FGFR3: variants seen among roughly 807,000 people sequenced by gnomAD.
FGFR3 encodes FGFR-3.
FGFR3 carries 25 observed loss-of-function variants against 82.9 expected under a neutral mutation model. That is an observed-to-expected ratio of 0.30 (90% CI 0.22 to 0.42). FGFR3 has a LOEUF of 0.42. Among genes scored for constraint, FGFR3 ranks in the 10% least tolerant of loss-of-function variants. The pLI is 1.00. For missense variants in FGFR3, 1,026 were observed against 1,161.0 expected (o/e 0.88, Z 1.69); for synonymous variants, 620 against 516.0 (o/e 1.20, Z -2.73).
chr4:1,800,592 C>T (rs2301294), intron 4 of FGFR3, among the ~76,000 whole-genome samples: 2,683 of 152,178 alleles, frequency 0.018, 43 homozygotes, highest in African/African-American at 0.041. Context: ...AGCTCAGCAC[C>T]GTGGGGTGCC....
intron 2 of FGFR3, among the ~76,000 whole-genome samples, chr4:1,797,915 G>C (rs1469498856): frequency 6.6e-6 from 1 of 152,196 alleles, no homozygotes; most frequent in Non-Finnish European, 1.5e-5. Flanking sequence ...TGTGGCCAGA[G>C]TGGGCAGCTG....
intron 2 of FGFR3, among the ~76,000 whole-genome samples, chr4:1,797,810 C>G (rs1720695317): frequency 6.6e-6 from 1 of 152,174 alleles, no homozygotes; most frequent in African/African-American, 2.4e-5. Context: ...AGTGTGGGCC[C>G]TTCTGGCTGG....
intron 2 of FGFR3, among the ~76,000 whole-genome samples, chr4:1,798,100 G>T (rs191392957): frequency 3.6e-4 from 54 of 152,108 alleles, no homozygotes; most frequent in Non-Finnish European, 6.5e-4. Flanking sequence ...AGGGGCGATT[G>T]TCCCCCCAGC....
At chr4:1,796,976 A>G (rs972797564) in intron 2 of FGFR3, among the ~76,000 whole-genome samples, 1 of 152,098 alleles carries the variant, frequency 6.6e-6, no homozygotes, top group Non-Finnish European at 1.5e-5. Context: ...GTGGAGCCCA[A>G]GTTGAGGTCG....
At chr4:1,803,611 C>T (rs1721478791) in intron 7 of FGFR3, 81 bp from the exon 8 acceptor site, 1 of 1,559,706 alleles carries the variant, frequency 6.4e-7, no homozygotes, top group Non-Finnish European at 8.7e-7. Flanking sequence ...CTTGCAGCGG[C>T]TGGATCCTGC....
At position 1,793,948 on chromosome 4, in the gene FGFR3, C is replaced by A; in HGVS notation, c.14C>A (p.Ala5Asp). Residue 5 changes from alanine (A) to aspartate (D), a missense_variant, in exon 2 of 18, where the codon GCC becomes GAC. Physicochemically the swap from Ala to Asp is moderately radical, Grantham distance 126. Coordinates refer to ENST00000440486, the MANE Select transcript of FGFR3 (RefSeq NM_000142.5). MGAP[A>D]CALALCVAVA... ...CCCGCCCCCGCCATGGGCGCCCCTG[C>A]CTGCGCCCTCGCGCTCTGCGTGGCC... The A allele has an allele frequency of 7.5e-7, 1 of 1,339,526 alleles. No individual in the cohort carries two copies. Among genetic ancestry groups the A allele is most frequent in the Non-Finnish European group, 9.7e-7 (1 of 1,032,564 alleles). The allele number at this position is 1,339,526 out of a possible 1,614,324, so 83.0% of individuals were successfully genotyped here. A position where few individuals can be genotyped will look rare whatever the true frequency, so the allele number is the denominator to read the frequency against.
rs539723024 is a variant in FGFR3, at chr4:1,803,939, C to T, written c.1075+103C>T. 11 of 1,293,812 alleles carry T rather than the reference C, an allele frequency of 8.5e-6. 1 individual carries two copies. Among genetic ancestry groups the T allele is most frequent in the South Asian group, 4.8e-5 (4 of 84,168 alleles). 80.1% of individuals were successfully genotyped at this position (1,293,812 alleles called of 1,614,324 possible). On this transcript the variant is annotated intron_variant, in intron 8 of 17. Transcript: ENST00000440486. Reference sequence around the variant, plus strand: ...GGACGGGAATCCTGTGACTTACGGCCGTCCCGCTTCTTGAGCCCTCACTCC... The same window carrying T: ...GGACGGGAATCCTGTGACTTACGGCTGTCCCGCTTCTTGAGCCCTCACTCC...
intron 2 of FGFR3, among the ~76,000 whole-genome samples, chr4:1,795,850 TC>T (rs1262737823): frequency 6.6e-6 from 1 of 152,044 alleles, no homozygotes; most frequent in Non-Finnish European, 1.5e-5. Context: ...CCTCCCCCAC[TC>T]CTCCTCTGCA....
chr4:1,807,155 C>G lies in FGFR3; in HGVS notation c.2314C>G (p.Pro772Ala), dbSNP rs748492376. 1.3e-6 allele frequency: 2 copies of G among 1,599,660 alleles called. No homozygotes were observed. Among genetic ancestry groups the G allele is most frequent in the Admixed American group, 1.7e-5 (1 of 58,654 alleles). ...DLSAPFEQYS[P>A]GGQDTPSSSS... is the part of the protein sequence containing the mutation. ...GTCGGCGCCTTTCGAGCAGTACTCC[C>G]CGGGTGGCCAGGACACCCCCAGCTC... Residue 772 changes from proline (P) to alanine (A), a missense_variant, in exon 18 of 18, where the codon CCG (proline) becomes GCG (alanine). Physicochemically the swap from Pro to Ala is conservative, Grantham distance 27. Coordinates refer to ENST00000440486, the MANE Select transcript of FGFR3 (RefSeq NM_000142.5).
rs553636095 is a variant in FGFR3 at position 1,801,968 on chromosome 4, G to A, written c.873G>A (p.Val291=). 11 of 1,612,840 alleles carry A rather than the reference G, an allele frequency of 6.8e-6. No individual in the cohort carries two copies. The East Asian group carries it at 1.3e-4, about 20-fold the overall frequency. ...CCCACATCCAGTGGCTCAAGCACGT[G>A]GAGGTGAATGGCAGCAAGGTGGGCC... The part of the protein sequence containing the change: ...AQPHIQWLKH[V]EVNGSKVGPD... The change falls in exon 7 of 18, where the codon GTG becomes GTA. Residue 291 remains valine (V), a synonymous_variant. Transcript: ENST00000440486.
rs529884761 is a variant in FGFR3 at position 1,803,532 on chromosome 4, G to T, written c.931-160G>T. ...GGGCTCAGTACCGGTGTACCAGGCG[G>T]AGGGCCCTCAGCCGCGTGGCGGTGA... is the stretch of plus-strand genomic sequence containing the variant. On this transcript the variant is annotated intron_variant, in intron 7 of 17. Coordinates refer to ENST00000440486, the MANE Select transcript of FGFR3 (RefSeq NM_000142.5). Among the ~76,000 whole-genome samples, 178 of 152,392 alleles carry T rather than the reference G, an allele frequency of 1.2e-3. 2 individuals carry two copies. The highest frequency in any genetic ancestry group is 4.2e-3 in the African/African-American group (175 of 41,600).
intron 4 of FGFR3, 57 bp from the exon 5 acceptor site, chr4:1,801,310 C>A: frequency 1.3e-6 from 2 of 1,527,002 alleles, no homozygotes; most frequent in South Asian, 1.2e-5. Flanking sequence ...GGGGGTTGTT[C>A]AGAGGGGCCT....
rs201012537 is a variant in FGFR3, at chr4:1,802,007, C to T, written c.912C>T (p.Pro304=). 2.5e-6 allele frequency: 4 copies of T among 1,612,156 alleles called. No individual in the cohort carries two copies. The highest frequency in any genetic ancestry group is 1.7e-5 in the Admixed American group (1 of 59,972). ...GCAAGGTGGGCCCGGACGGCACACC[C>T]TACGTTACCGTGCTCAAGGTGGGCC... is the stretch of plus-strand genomic sequence containing the variant. The part of the protein sequence containing the change: ...NGSKVGPDGT[P]YVTVLKTAGA... The change falls in exon 7 of 18, where the codon CCC becomes CCT. Residue 304 remains proline, a synonymous_variant. Transcript: ENST00000440486.
intron 2 of FGFR3, among the ~76,000 whole-genome samples, chr4:1,798,216 G>A (rs925326447): frequency 6.6e-6 from 1 of 151,996 alleles, no homozygotes; most frequent in African/African-American, 2.4e-5. Context: ...CCCTGTGGGT[G>A]GGCCCCCACC....
At chr4:1,795,657 G>T (rs566317428) in intron 2 of FGFR3, among the ~76,000 whole-genome samples, 1 of 152,200 alleles carries the variant, frequency 6.6e-6, no homozygotes, top group African/African-American at 2.4e-5. Context: ...CCACTGGACT[G>T]CCCTGGCCAC....
rs1720937488 is a variant in FGFR3, at chr4:1,799,501, C to T, written c.357C>T (p.Cys119=). The part of the protein sequence containing the change: ...CRQRLTQRVL[C]HFSVRVTDAP... ...AGCGGCTCACGCAGCGCGTACTGTGCCACTTCAGTGTGCGGGTGACAGGTG... is the reference window on the plus strand; with the variant it reads ...AGCGGCTCACGCAGCGCGTACTGTGTCACTTCAGTGTGCGGGTGACAGGTG... Residue 119 remains cysteine (C), a synonymous_variant, in exon 3 of 18, where the codon TGC becomes TGT. Coordinates refer to ENST00000440486, the MANE Select transcript of FGFR3 (RefSeq NM_000142.5). 3 of 1,562,108 alleles carry T rather than the reference C, an allele frequency of 1.9e-6. No individual in the cohort carries two copies. The highest frequency in any genetic ancestry group is 2.6e-6 in the Non-Finnish European group (3 of 1,154,160).
In FGFR3 at chr4:1,804,853, C is replaced by T; in HGVS notation, c.1296C>T (p.Ser432=). The change falls in exon 10 of 18, where the codon AGC becomes AGT. Residue 432 remains serine, a synonymous_variant. Coordinates refer to ENST00000440486, the MANE Select transcript of FGFR3 (RefSeq NM_000142.5). ...QVSLESNASM[S]SNTPLVRIAR... ...CCCTGGAGTCCAACGCGTCCATGAG[C>T]TCCAACACACCACTGGTGCGCATCG... 2 of 1,550,058 alleles carry T rather than the reference C, an allele frequency of 1.3e-6. No individual in the cohort carries two copies. Among genetic ancestry groups the T allele is most frequent in the Non-Finnish European group, 1.7e-6 (2 of 1,146,942 alleles).
chr4:1,801,998 C>T lies in FGFR3; in HGVS notation c.903C>T (p.Asp301=), dbSNP rs377588489. ...VEVNGSKVGP[D]GTPYVTVLKT... is the part of the protein sequence containing the mutation. ...TGAATGGCAGCAAGGTGGGCCCGGA[C>T]GGCACACCCTACGTTACCGTGCTCA... The change falls in exon 7 of 18, where the codon GAC becomes GAT. Residue 301 remains aspartate, a synonymous_variant. Coordinates refer to ENST00000440486, the MANE Select transcript of FGFR3 (RefSeq NM_000142.5). The T allele has an allele frequency of 1.7e-5, 28 of 1,612,396 alleles. 1 individual carries two copies. The highest frequency in any genetic ancestry group is 1.1e-4 in the East Asian group (5 of 44,878).
chr4:1,802,102 T>C (rs1721269182), intron 7 of FGFR3, 77 bp downstream of exon 7: 1 of 1,488,638 alleles, frequency 6.7e-7, no homozygotes, highest in Non-Finnish European at 9.2e-7. Context: ...GGCTGCGGGT[T>C]GCGTGAGGAT....
Sources: allele counts gnomAD v4.1 joint callset (sites outside exome capture counted in the v4.1 genomes callset), GRCh38; gene constraint gnomAD v4.1.1; transcripts MANE v1.5; gene names NCBI Gene and HGNC (gene_info 2026-07-23, HGNC 2026-07-21).